Variants in NUP37 observed in about 807,000 individuals in gnomAD.
NUP37 encodes the protein nucleoporin Nup37.
A neutral mutation model predicts 45.4 loss-of-function variants in NUP37; 33 were observed. That is an observed-to-expected ratio of 0.73 (90% CI 0.55 to 0.97). NUP37 has a LOEUF of 0.97. Among genes scored for constraint, NUP37 ranks in the 50% least tolerant of loss-of-function variants. NUP37 has a pLI of 0.00. For synonymous variants in NUP37, 127 were observed against 130.7 expected, an observed-to-expected ratio of 0.97 and a Z score of 0.19; for missense variants, 365 against 389.7, an observed-to-expected ratio of 0.94 and a Z score of 0.53.
intron 5 of NUP37, among the ~76,000 whole-genome samples, chr12:102,089,878 A>G (rs1276508836): frequency 1.3e-5 from 2 of 152,200 alleles, no homozygotes; most frequent in African/African-American, 4.8e-5. Flanking sequence ...GGTTGTTTCC[A>G]ATTTTTGGTC....
intron 3 of NUP37, among the ~76,000 whole-genome samples, chr12:102,101,398 A>G (rs1879968064): frequency 6.6e-6 from 1 of 152,232 alleles, no homozygotes; most frequent in African/African-American, 2.4e-5. Context: ...TCAGCACTTG[A>G]ATTTAATTTT....
At chr12:102,105,213 A>G (rs1330778652) in intron 3 of NUP37, among the ~76,000 whole-genome samples, 1 of 152,172 alleles carries the variant, frequency 6.6e-6, no homozygotes, top group East Asian at 1.9e-4. Flanking sequence ...TTGCACCTCT[A>G]TATATTTATA....
intron 1 of NUP37, 107 bp from the exon 2 acceptor site, chr12:102,118,690 A>G (rs1038937151): frequency 1.8e-6 from 1 of 564,880 alleles, no homozygotes; most frequent in African/African-American, 1.9e-5. Flanking sequence ...AGCTCAAAAG[A>G]AACATTTAAA....
chr12:102,109,226 T>C (rs2136751059), intron 3 of NUP37, among the ~76,000 whole-genome samples: 1 of 151,972 alleles, frequency 6.6e-6, no homozygotes, highest in East Asian at 1.9e-4. Context: ...GAAAAGCAAG[T>C]AGGGATGGAA....
intron 3 of NUP37, among the ~76,000 whole-genome samples, chr12:102,110,326 C>T (rs1326398994): frequency 6.6e-6 from 1 of 151,438 alleles, no homozygotes; most frequent in African/African-American, 2.4e-5. Flanking sequence ...ATGGCGAAAC[C>T]CCATCACTGC....
intron 6 of NUP37, among the ~76,000 whole-genome samples, chr12:102,081,862 T>C (rs1414659319): frequency 2.6e-5 from 4 of 152,104 alleles, no homozygotes; most frequent in African/African-American, 9.7e-5. Context: ...GGCTAATGTT[T>C]GCATTTTTAG....
Position 102,074,111 on chromosome 12 carries a change from G to A in NUP37, c.*243C>T, listed in dbSNP as rs1594381004. 4.1e-6 allele frequency: 1 copy of A among 244,696 alleles called. No homozygotes were observed. The allele number at this position is 244,696 out of a possible 1,614,324, so 15.2% of individuals were successfully genotyped here. On this transcript the variant is annotated 3_prime_UTR_variant, in exon 10 of 10. Coordinates refer to ENST00000552283, the MANE Select transcript of NUP37 (RefSeq NM_024057.4). ...TTTCCTTAGTCATCTCTTCTCTGGA[G>A]GTGAGCTGCTGAGTCAATATGATTT...
chr12:102,117,503 G>A (rs1032758653), intron 2 of NUP37, among the ~76,000 whole-genome samples: 1 of 152,038 alleles, frequency 6.6e-6, no homozygotes, highest in African/African-American at 2.4e-5. Flanking sequence ...AGATAGTCCT[G>A]AGGGTTGAAC....
chr12:102,090,929 C>G (rs186568028), intron 5 of NUP37, among the ~76,000 whole-genome samples: 58 of 152,086 alleles, frequency 3.8e-4, no homozygotes, highest in African/African-American at 1.4e-3. Context: ...ATCTAAGAAA[C>G]TTTTGGTCTA....
At chr12:102,105,244 GC>G (rs903432509) in intron 3 of NUP37, among the ~76,000 whole-genome samples, 2 of 152,118 alleles carry the variant, frequency 1.3e-5, no homozygotes, top group African/African-American at 4.8e-5. Flanking sequence ...GAATGCCATG[GC>G]CGGGTGCAAT....
At chr12:102,082,567 T>A (rs1365793564) in intron 6 of NUP37, among the ~76,000 whole-genome samples, 1 of 152,254 alleles carries the variant, frequency 6.6e-6, no homozygotes, top group Non-Finnish European at 1.5e-5. Flanking sequence ...GTATCCATTT[T>A]ATAAGATGAA....
intron 4 of NUP37, among the ~76,000 whole-genome samples, chr12:102,100,308 T>A (rs542488050): frequency 1.3e-5 from 2 of 152,182 alleles, no homozygotes; most frequent in South Asian, 4.1e-4. Flanking sequence ...CTTTGTTTTA[T>A]AACAATATTC....
intron 8 of NUP37, 44 bp downstream of exon 8, chr12:102,076,753 C>T (rs370098323): frequency 2.1e-5 from 33 of 1,566,654 alleles, no homozygotes; most frequent in Admixed American, 5.1e-5. Context: ...GGCACAGCAA[C>T]GTCAAAAGAT....
chr12:102,114,625 A>G (rs559888765), intron 2 of NUP37, among the ~76,000 whole-genome samples: 2 of 152,330 alleles, frequency 1.3e-5, no homozygotes, highest in African/African-American at 4.8e-5. Context: ...GGCTATTATA[A>G]GGGTTTGAAA....
chr12:102,083,810 A>G (rs1458653212), intron 6 of NUP37, among the ~76,000 whole-genome samples: 2 of 152,212 alleles, frequency 1.3e-5, no homozygotes, highest in East Asian at 3.8e-4. Context: ...CAGTTTCAAG[A>G]AGGAGGTGAT....
chr12:102,112,753 C>T (rs1880354575), intron 2 of NUP37, among the ~76,000 whole-genome samples: 1 of 152,162 alleles, frequency 6.6e-6, no homozygotes, highest in South Asian at 2.1e-4. Context: ...TGTACATTCT[C>T]ACTACATGGA....
intron 6 of NUP37, among the ~76,000 whole-genome samples, chr12:102,083,542 T>C (rs969198576): frequency 2.6e-5 from 4 of 152,250 alleles, no homozygotes; most frequent in South Asian, 2.1e-4. Flanking sequence ...TTCTACTTAA[T>C]AGATTTTTTG....
At chr12:102,078,188 G>A (rs934027515) in intron 6 of NUP37, among the ~76,000 whole-genome samples, 3 of 151,750 alleles carry the variant, frequency 2.0e-5, no homozygotes, top group Admixed American at 6.6e-5. Flanking sequence ...AAAATTAGCC[G>A]GTTGTGGTGG....
chr12:102,087,789 G>T (rs1879514392), intron 5 of NUP37, among the ~76,000 whole-genome samples: 1 of 152,112 alleles, frequency 6.6e-6, no homozygotes, highest in South Asian at 2.1e-4. Flanking sequence ...TATATAAATT[G>T]AGTAAATACA....
Sources: allele counts gnomAD v4.1 joint callset (sites outside exome capture counted in the v4.1 genomes callset), GRCh38; gene constraint gnomAD v4.1.1; transcripts MANE v1.5; gene names NCBI Gene and HGNC (gene_info 2026-07-23, HGNC 2026-07-21).